OR2C1: variants seen among roughly 807,000 people sequenced by gnomAD.
The protein encoded by OR2C1 is olfactory receptor family 2 subfamily C member 1, also known as olfactory receptor 2C1.
For synonymous variants in OR2C1, 209 were observed against 167.3 expected (o/e 1.25, Z -1.92); for missense variants, 468 against 388.3 (o/e 1.21, Z -1.73).
chr16:3,335,928 A>C, the OR2C1 span, among the ~76,000 whole-genome samples: 1 of 152,024 alleles, frequency 6.6e-6, no homozygotes, highest in African/African-American at 2.4e-5. Context: ...TTGCCTAATT[A>C]CTCTGGTCAG....
At chr16:3,349,841 G>A in the OR2C1 span, among the ~76,000 whole-genome samples, 1 of 151,628 alleles carries the variant, frequency 6.6e-6, no homozygotes, top group Non-Finnish European at 1.5e-5. Flanking sequence ...GGCGGAGGTT[G>A]CAGTGAGCCA....
chr16:3,356,625 C>A lies in OR2C1; in HGVS notation c.685C>A (p.Arg229Ser). ...CATTGCTCAGGCAGTGCTGAAAATC[C>A]GCTCTGCAGAGGGGAGGCGAAAGGC... ...CLIAQAVLKI[R>S]SAEGRRKAFN... The change falls in exon 1 of 1, where the codon CGC (arginine) becomes AGC (serine). Residue 229 changes from arginine (R) to serine (S), a missense_variant. By Grantham distance (110) the Arg-to-Ser change is moderately radical. Transcript: ENST00000304936. 6.2e-7 allele frequency: 1 copy of A among 1,614,152 alleles called. No individual in the cohort carries two copies. Among genetic ancestry groups the A allele is most frequent in the South Asian group, 1.1e-5 (1 of 91,088 alleles).
Position 3,355,968 on chromosome 16 carries a change from C to A in OR2C1, c.28C>A (p.Gln10Lys). Residue 10 changes from glutamine to lysine, a missense_variant, in exon 1 of 1, where the codon CAG (glutamine) becomes AAG (lysine). Gln to Lys is a moderately conservative substitution (Grantham distance 53, BLOSUM62 1). Transcript: ENST00000304936. Reference protein sequence around the residue: MDGVNDSSLQGFVLMGISDH... With the variant: MDGVNDSSLKGFVLMGISDH... ...GGACGGGGTGAATGATAGCTCCTTG[C>A]AGGGCTTTGTTCTGATGGGCATATC... The A allele has an allele frequency of 6.2e-7, 1 of 1,612,432 alleles. No individual in the cohort carries two copies. Among genetic ancestry groups the A allele is most frequent in the Non-Finnish European group, 8.5e-7 (1 of 1,178,962 alleles).
rs778211215 is a variant in OR2C1 at position 3,356,357 on chromosome 16, G to C, written c.417G>C (p.Gln139His). 2 of 1,613,626 alleles carry C rather than the reference G, an allele frequency of 1.2e-6. No individual in the cohort carries two copies. The highest frequency in any genetic ancestry group is 3.3e-5 in the Admixed American group (2 of 60,020). Residue 139 changes from glutamine (Q) to histidine (H), a missense_variant, in exon 1 of 1, where the codon CAG becomes CAC. Gln to His is a conservative substitution (Grantham distance 24, BLOSUM62 0). Transcript: ENST00000304936. Reference sequence around the variant, plus strand: ...GCTACACCGCCATCATGAACCCCCAGCTCTGCTGGCTGCTGGCTGTGATTG... The same window carrying C: ...GCTACACCGCCATCATGAACCCCCACCTCTGCTGGCTGCTGGCTGTGATTG... ...PLRYTAIMNP[Q>H]LCWLLAVIAC...
the OR2C1 span, among the ~76,000 whole-genome samples, chr16:3,346,168 A>G: frequency 6.6e-6 from 1 of 151,954 alleles, no homozygotes; most frequent in African/African-American, 2.4e-5. Context: ...ATCACTTGAT[A>G]TATTATAGAC....
the OR2C1 span, among the ~76,000 whole-genome samples, chr16:3,348,661 T>G: frequency 6.6e-6 from 1 of 152,182 alleles, no homozygotes; most frequent in Non-Finnish European, 1.5e-5. Context: ...CTGCTCACCC[T>G]GTACCCCACC....
At chr16:3,349,758 C>T in the OR2C1 span, among the ~76,000 whole-genome samples, 2 of 151,838 alleles carry the variant, frequency 1.3e-5, no homozygotes, top group African/African-American at 2.4e-5. Flanking sequence ...TTTTGGGGGC[C>T]AGGCGTGGTG....
chr16:3,344,986 C>T, the OR2C1 span, among the ~76,000 whole-genome samples: 11 of 152,016 alleles, frequency 7.2e-5, no homozygotes, highest in East Asian at 3.9e-4. Context: ...TAAATATGCT[C>T]ATTACAGCAT....
chr16:3,348,892 C>A, the OR2C1 span, among the ~76,000 whole-genome samples: 1 of 151,434 alleles, frequency 6.6e-6, no homozygotes, highest in African/African-American at 2.5e-5. Flanking sequence ...TATGTTGGAA[C>A]CAGAGAACTG....
chr16:3,350,277 A>T, the OR2C1 span, among the ~76,000 whole-genome samples: 1 of 149,724 alleles, frequency 6.7e-6, no homozygotes, highest in Non-Finnish European at 1.5e-5. Context: ...CTGGTCTCGA[A>T]CTCCTGACCT....
At chr16:3,341,360 A>G in the OR2C1 span, among the ~76,000 whole-genome samples, 6 of 151,612 alleles carry the variant, frequency 4.0e-5, no homozygotes, top group African/African-American at 1.2e-4. Flanking sequence ...GTTCTTTGGG[A>G]TTTTCTGTAT....
the OR2C1 span, among the ~76,000 whole-genome samples, chr16:3,330,227 C>G: frequency 3.3e-5 from 5 of 152,042 alleles, no homozygotes; most frequent in Admixed American, 6.6e-5. Flanking sequence ...CTGCCTCAAC[C>G]TCCCGAGTAG....
At chr16:3,348,642 A>AGACT in the OR2C1 span, among the ~76,000 whole-genome samples, 1 of 152,178 alleles carries the variant, frequency 6.6e-6, no homozygotes, top group Non-Finnish European at 1.5e-5. Context: ...GGCAGAAGCC[A>AGACT]GACTGATCCT....
At chr16:3,345,025 G>A in the OR2C1 span, among the ~76,000 whole-genome samples, 1 of 152,008 alleles carries the variant, frequency 6.6e-6, no homozygotes, top group South Asian at 2.1e-4. Context: ...TTAAAGACAA[G>A]CTATATGTTC....
the OR2C1 span, among the ~76,000 whole-genome samples, chr16:3,324,255 G>A: frequency 6.6e-6 from 1 of 152,040 alleles, no homozygotes; most frequent in Non-Finnish European, 1.5e-5. Flanking sequence ...GCAGTTGCCC[G>A]GTCTCGGCTC....
downstream of OR2C1, among the ~76,000 whole-genome samples, chr16:3,358,115 A>G (rs1473746203): frequency 3.3e-5 from 5 of 151,828 alleles, no homozygotes; most frequent in African/African-American, 7.3e-5. Flanking sequence ...CTATTATTTA[A>G]TAATAAAAGA....
At chr16:3,337,717 T>C in the OR2C1 span, among the ~76,000 whole-genome samples, 1 of 152,176 alleles carries the variant, frequency 6.6e-6, no homozygotes, top group Non-Finnish European at 1.5e-5. Flanking sequence ...GTCAGAGAGC[T>C]CACATATTGC....
At chr16:3,325,490 TATATATATATATATAC>T in the OR2C1 span, among the ~76,000 whole-genome samples, 1 of 84,888 alleles carries the variant, frequency 1.2e-5, no homozygotes, top group Non-Finnish European at 2.8e-5. Flanking sequence ...TATATATATA[TATATATATATATATAC>T]ACTTTAAAAA....
the OR2C1 span, among the ~76,000 whole-genome samples, chr16:3,330,821 C>A: frequency 6.6e-6 from 1 of 152,062 alleles, no homozygotes. Flanking sequence ...AGCTCACTGC[C>A]ATTTCAAATT....
Sources: allele counts gnomAD v4.1 joint callset (sites outside exome capture counted in the v4.1 genomes callset), GRCh38; gene constraint gnomAD v4.1.1; transcripts MANE v1.5; gene names NCBI Gene and HGNC (gene_info 2026-07-23, HGNC 2026-07-21).